Variants in TRIP12 observed in about 807,000 individuals in gnomAD.
The protein encoded by TRIP12 is thyroid hormone receptor interactor 12.
In TRIP12, 25 loss-of-function variants were observed where a neutral mutation model predicts 244.2. That is an observed-to-expected ratio of 0.10 (90% CI 0.07 to 0.14). TRIP12 has a LOEUF of 0.14. TRIP12 is among the 10% of genes least tolerant of loss of function. The pLI is 1.00. For synonymous variants in TRIP12, 905 were observed against 873.1 expected, an observed-to-expected ratio of 1.04 and a Z score of -0.64; for missense variants, 1,677 against 2,486.4, an observed-to-expected ratio of 0.67 and a Z score of 6.92.
At chr2:229,799,240 C>G (rs1281922675) in intron 22 of TRIP12, 43 bp downstream of exon 22, 1 of 1,599,478 alleles carries the variant, frequency 6.3e-7, no homozygotes, top group Non-Finnish European at 8.6e-7. Flanking sequence ...CACCTGCTAC[C>G]ACCCTCCCCT....
At chr2:229,817,292 CAT>C (rs2048738011) in intron 9 of TRIP12, among the ~76,000 whole-genome samples, 1 of 152,146 alleles carries the variant, frequency 6.6e-6, no homozygotes, top group African/African-American at 2.4e-5. Flanking sequence ...CAAAATAAAA[CAT>C]ACCACAAATG....
In TRIP12 at chr2:229,853,119, T is replaced by A. The variant is rs1400375808; in HGVS notation, c.1027+5653A>T. Among the ~76,000 whole-genome samples the A allele has an allele frequency of 3.9e-5, 6 of 152,298 alleles. No homozygotes were observed. The East Asian group carries it at 1.2e-3, about 29-fold the overall frequency. On this transcript the variant is annotated intron_variant, in intron 4 of 41. Coordinates refer to ENST00000675903, the MANE Select transcript of TRIP12 (RefSeq NM_001348323.3). ...AAAGCTCTCCTACTGACCAATTATGTCTTAGAATAAGTCTTTACCTAAGGA... is the reference window on the plus strand; with the variant it reads ...AAAGCTCTCCTACTGACCAATTATGACTTAGAATAAGTCTTTACCTAAGGA...
intron 6 of TRIP12, among the ~76,000 whole-genome samples, chr2:229,832,771 T>C (rs2053781595): frequency 6.6e-6 from 1 of 152,228 alleles, no homozygotes; most frequent in African/African-American, 2.4e-5. Context: ...ATGACTCAAA[T>C]ATATTCTTTA....
intron 6 of TRIP12, among the ~76,000 whole-genome samples, chr2:229,835,611 T>C (rs1269137321): frequency 2.0e-5 from 3 of 152,200 alleles, no homozygotes; most frequent in East Asian, 3.8e-4. Flanking sequence ...CAGCAGGTTG[T>C]TTGGAATATT....
At chr2:229,877,745 A>G (rs558036743) in intron 2 of TRIP12, among the ~76,000 whole-genome samples, 1 of 152,314 alleles carries the variant, frequency 6.6e-6, no homozygotes, top group South Asian at 2.1e-4. Context: ...ATGCACATAC[A>G]TAATGTACAT....
intron 1 of TRIP12, 113 bp from the exon 2 acceptor site, chr2:229,880,241 C>T: frequency 4.6e-6 from 3 of 651,090 alleles, no homozygotes; most frequent in East Asian, 2.8e-5. Context: ...TCTGATTTTA[C>T]AGCCTTCACC....
rs1018092900 is a variant in TRIP12 at position 229,778,719 on chromosome 2, A to G, written c.5210-132T>C. The G allele has an allele frequency of 2.2e-6, 3 of 1,375,178 alleles. No individual in the cohort carries two copies. Among genetic ancestry groups the G allele is most frequent in the Non-Finnish European group, 2.0e-6 (2 of 1,001,640 alleles). The allele number at this position is 1,375,178 out of a possible 1,614,324, so 85.2% of individuals were successfully genotyped here. A position where few individuals can be genotyped will look rare whatever the true frequency, so the allele number is the denominator to read the frequency against. On this transcript the variant is annotated intron_variant, in intron 35 of 41. Coordinates refer to ENST00000675903, the MANE Select transcript of TRIP12 (RefSeq NM_001348323.3). This position sits in a 1 kb window ranked among gnomAD's most constrained non-coding sequence, Gnocchi z 4.1. ...CAGATCACTGAATGAAGTCCTCTAG[A>G]ACTGGACAGGCCTTCCCTATTTGAT...
rs527458052 is a variant in TRIP12 at position 229,831,102 on chromosome 2, T to G, written c.1271-263A>C. 52 of 711,276 alleles carry G rather than the reference T, an allele frequency of 7.3e-5. No individual in the cohort carries two copies. The African/African-American group carries it at 7.4e-4, about 10-fold the overall frequency. The allele number at this position is 711,276 out of a possible 1,614,324, so 44.1% of individuals were successfully genotyped here. A position where few individuals can be genotyped will look rare whatever the true frequency, so the allele number is the denominator to read the frequency against. On this transcript the variant is annotated intron_variant, in intron 6 of 41. Transcript: ENST00000675903. ...TATGTGGCTTTTGACAAATTTCTTG[T>G]GCCGTTGAAACTGTTCTTTAATTAA...
chr2:229,819,242 C>T (rs141343478), intron 8 of TRIP12, among the ~76,000 whole-genome samples: 1 of 152,226 alleles, frequency 6.6e-6, no homozygotes, highest in East Asian at 1.9e-4. Flanking sequence ...AAACAATACA[C>T]TCCAAAATAA....
intron 5 of TRIP12, among the ~76,000 whole-genome samples, chr2:229,839,813 G>C (rs1170033613): frequency 2.6e-5 from 4 of 152,210 alleles, no homozygotes; most frequent in Non-Finnish European, 2.9e-5. Context: ...AGTTGCAGGA[G>C]ATTTTTACCT....
intron 2 of TRIP12, 110 bp from the exon 3 acceptor site, chr2:229,860,641 T>G: frequency 3.9e-6 from 4 of 1,028,100 alleles, no homozygotes; most frequent in Non-Finnish European, 5.3e-6. Context: ...AATTCATTGT[T>G]GACCCTACCC....
At chr2:229,833,470 G>A (rs1443717509) in intron 6 of TRIP12, among the ~76,000 whole-genome samples, 2 of 152,006 alleles carry the variant, frequency 1.3e-5, no homozygotes, top group African/African-American at 4.8e-5. Flanking sequence ...GTATTTTTTT[G>A]TAGAGACAGG....
At position 229,859,078 on chromosome 2, in the gene TRIP12, C is replaced by A. The variant is rs752388047; in HGVS notation, c.721G>T (p.Ala241Ser). 1 of 1,614,206 alleles carries A rather than the reference C, an allele frequency of 6.2e-7. No individual in the cohort carries two copies. Among genetic ancestry groups the A allele is most frequent in the Non-Finnish European group, 8.5e-7 (1 of 1,180,036 alleles). Residue 241 changes from alanine (A) to serine (S), a missense_variant, in exon 4 of 42, where the codon GCT (alanine) becomes TCT (serine). Physicochemically the swap from Ala to Ser is moderately conservative, Grantham distance 99. Transcript: ENST00000675903. ...GCSTITDSSSAASTSSSSSAV... is the reference protein window; with the variant it reads ...GCSTITDSSSSASTSSSSSAV... ...GAAGACGAGGAGGAAGTAGAGGCAG[C>A]AGAAGAAGAATCAGTGATGGTGCTA...
intron 5 of TRIP12, among the ~76,000 whole-genome samples, chr2:229,840,536 T>C (rs553755543): frequency 6.6e-6 from 1 of 152,084 alleles, no homozygotes; most frequent in African/African-American, 2.4e-5. Context: ...ACCGCATCTC[T>C]ACTAAAAATA....
intron 39 of TRIP12, 61 bp downstream of exon 39, chr2:229,771,458 C>A: frequency 7.0e-7 from 1 of 1,434,678 alleles, no homozygotes; most frequent in Admixed American, 1.7e-5. Context: ...GACTAGGCAG[C>A]ACAGAAACAC....
chr2:229,895,909 C>T (rs2068685528), intron 1 of TRIP12, among the ~76,000 whole-genome samples: 1 of 152,028 alleles, frequency 6.6e-6, no homozygotes, highest in South Asian at 2.1e-4. Context: ...ATCGCTTGAG[C>T]CCAGAATTTT....
chr2:229,826,601 T>C (rs2154294979), intron 8 of TRIP12, among the ~76,000 whole-genome samples: 1 of 152,286 alleles, frequency 6.6e-6, no homozygotes, highest in Middle Eastern at 3.4e-3. Context: ...TTGACCTATT[T>C]TGTCATGTAA....
chr2:229,855,649 G>A (rs2059486580), intron 4 of TRIP12, among the ~76,000 whole-genome samples: 1 of 148,200 alleles, frequency 6.7e-6, no homozygotes. Flanking sequence ...CTTCATTCAA[G>A]GTCACACCTA....
At chr2:229,826,035 A>C (rs780491738) in intron 8 of TRIP12, among the ~76,000 whole-genome samples, 7 of 152,248 alleles carry the variant, frequency 4.6e-5, no homozygotes, top group Non-Finnish European at 8.8e-5. Context: ...TGGAGGACAT[A>C]AAAATTACTC....
Sources: gnomAD v4.1 joint callset for allele counts (sites outside exome capture counted in the v4.1 genomes callset) on GRCh38, gnomAD v4.1.1 for gene constraint, Gnocchi (gnomAD v3.1) non-coding constraint, MANE v1.5 for transcripts, NCBI Gene and HGNC (gene_info 2026-07-23, HGNC 2026-07-21) for gene names.